RBFOX3: variants seen among roughly 807,000 people sequenced by gnomAD.
RBFOX3 encodes the protein RNA binding fox-1 homolog 3.
Under a neutral mutation model 48.7 loss-of-function variants are expected in RBFOX3, and 17 were observed. That is an observed-to-expected ratio of 0.35 (90% confidence interval 0.24 to 0.52). RBFOX3 has a LOEUF of 0.52. RBFOX3 is among the 20% of genes least tolerant of loss of function. The pLI, the probability that RBFOX3 is intolerant of heterozygous loss-of-function variation, is 0.94. For synonymous variants in RBFOX3, 212 were observed against 209.5 expected (o/e 1.01, Z -0.10); for missense variants, 382 against 497.5 (o/e 0.77, Z 2.21).
At chr17:79,393,129 A>G (rs75290426) in intron 2 of RBFOX3, among the ~76,000 whole-genome samples, 1 of 152,254 alleles carries the variant, frequency 6.6e-6, no homozygotes, top group Non-Finnish European at 1.5e-5. Context: ...GAACTGTGAT[A>G]TGAGCAAGAG....
At chr17:79,322,169 G>A (rs2078626444) in intron 2 of RBFOX3, among the ~76,000 whole-genome samples, 1 of 152,178 alleles carries the variant, frequency 6.6e-6, no homozygotes, top group Admixed American at 6.5e-5. Flanking sequence ...GGACTTGCAG[G>A]TGAGGGTGGG....
intron 3 of RBFOX3, among the ~76,000 whole-genome samples, chr17:79,302,061 C>T (rs1444848892): frequency 1.3e-5 from 2 of 152,134 alleles, no homozygotes; most frequent in African/African-American, 4.8e-5. Context: ...CACAACAATG[C>T]AAATGCACTT....
intron 2 of RBFOX3, among the ~76,000 whole-genome samples, chr17:79,348,837 A>G (rs1217775919): frequency 2.6e-5 from 4 of 151,564 alleles, no homozygotes; most frequent in African/African-American, 9.7e-5. Flanking sequence ...CGGCCTCCCA[A>G]AGTGCTGGTA....
Position 79,105,759 on chromosome 17 carries a change from C to T in RBFOX3, c.360+892G>A, listed in dbSNP as rs1386873996. On this transcript the variant is annotated intron_variant, in intron 6 of 14. Coordinates refer to ENST00000693108, the MANE Select transcript of RBFOX3 (RefSeq NM_001350451.2). ...TCAGGAGCCAGAGGCTGTCTACCTGCGCAGCAGAGGTGGGGTGGGCACCGT... is the reference window on the plus strand; with the variant it reads ...TCAGGAGCCAGAGGCTGTCTACCTGTGCAGCAGAGGTGGGGTGGGCACCGT... Among the ~76,000 whole-genome samples the T allele has an allele frequency of 5.9e-5, 9 of 152,226 alleles. No individual in the cohort carries two copies. The East Asian group carries it at 1.6e-3, about 26-fold the overall frequency.
At chr17:79,624,244 G>A in the RBFOX3 span, among the ~76,000 whole-genome samples, 1 of 152,108 alleles carries the variant, frequency 6.6e-6, no homozygotes, top group Non-Finnish European at 1.5e-5. Flanking sequence ...GAGAGGGGAG[G>A]CCTCATCTCC....
At chr17:79,266,174 T>C (rs2066669384) in intron 3 of RBFOX3, among the ~76,000 whole-genome samples, 1 of 152,198 alleles carries the variant, frequency 6.6e-6, no homozygotes, top group Non-Finnish European at 1.5e-5. Context: ...TGTTCTCCCA[T>C]GGCAGAAACA....
chr17:79,277,228 C>T (rs1034677832), intron 3 of RBFOX3, among the ~76,000 whole-genome samples: 2 of 147,996 alleles, frequency 1.4e-5, no homozygotes, highest in Middle Eastern at 3.2e-3. Context: ...CTGGTTCTGC[C>T]CCACCTGCCT....
At chr17:79,629,132 G>T in the RBFOX3 span, among the ~76,000 whole-genome samples, 1 of 152,204 alleles carries the variant, frequency 6.6e-6, no homozygotes, top group East Asian at 1.9e-4. Context: ...GTGGAGTTGG[G>T]GAGACAGGTG....
chr17:79,290,688 CA>C (rs1421968397), intron 3 of RBFOX3, among the ~76,000 whole-genome samples: 3 of 152,124 alleles, frequency 2.0e-5, no homozygotes, highest in African/African-American at 7.2e-5. Flanking sequence ...GAATGTTTAC[CA>C]AAATCAGAGA....
At chr17:79,444,770 C>A (rs997482965) in intron 2 of RBFOX3, among the ~76,000 whole-genome samples, 1 of 151,842 alleles carries the variant, frequency 6.6e-6, no homozygotes, top group African/African-American at 2.4e-5. Context: ...TAGTCTTGAG[C>A]AAATATACAT....
At chr17:79,221,797 C>T (rs898898883) in intron 4 of RBFOX3, among the ~76,000 whole-genome samples, 1 of 152,226 alleles carries the variant, frequency 6.6e-6, no homozygotes, top group African/African-American at 2.4e-5. Flanking sequence ...AAGGCCGCCG[C>T]CCATAGCTCT....
chr17:79,204,273 A>G lies in RBFOX3; in HGVS notation c.-34+31493T>C, dbSNP rs1341203480. ...AGACCCAGTGGATACACACCAGTGGACGCCGGGGAGCGGACACACACCAGC... is the reference window on the plus strand; with the variant it reads ...AGACCCAGTGGATACACACCAGTGGGCGCCGGGGAGCGGACACACACCAGC... On this transcript the variant is annotated intron_variant, in intron 4 of 14. Transcript: ENST00000693108. This position sits in a 1 kb window ranked among gnomAD's most constrained non-coding sequence, Gnocchi z 4.5. 1.3e-5 allele frequency among the ~76,000 whole-genome samples: 2 copies of G among 152,060 alleles called. No homozygotes were observed. Among genetic ancestry groups the G allele is most frequent in the East Asian group, 3.9e-4 (2 of 5,186 alleles).
intron 2 of RBFOX3, among the ~76,000 whole-genome samples, chr17:79,358,953 C>T (rs76209580): frequency 0.013 from 1,977 of 152,302 alleles, 42 homozygotes; most frequent in African/African-American, 0.046. Flanking sequence ...CCAGAGGGCT[C>T]GCGCAGAGCA....
intron 2 of RBFOX3, among the ~76,000 whole-genome samples, chr17:79,323,045 C>T (rs7208615): frequency 0.12 from 18,064 of 152,256 alleles, 1,460 homozygotes; most frequent in East Asian, 0.21. Flanking sequence ...GGGAACCAAG[C>T]AGGCCTGGTT....
intron 1 of RBFOX3, among the ~76,000 whole-genome samples, chr17:79,486,036 C>T (rs1412486062): frequency 6.6e-6 from 1 of 152,280 alleles, no homozygotes; most frequent in Non-Finnish European, 1.5e-5. Context: ...ACGCCCCACC[C>T]CTTGGTGCTG....
At chr17:79,630,001 T>C in the RBFOX3 span, among the ~76,000 whole-genome samples, 1 of 152,234 alleles carries the variant, frequency 6.6e-6, no homozygotes, top group African/African-American at 2.4e-5. Flanking sequence ...ATTTTCTTTT[T>C]TGAATTTTAT....
chr17:79,182,185 C>T (rs1267928198), intron 4 of RBFOX3, among the ~76,000 whole-genome samples: 1 of 152,158 alleles, frequency 6.6e-6, no homozygotes, highest in Non-Finnish European at 1.5e-5. Context: ...TATGGGAACC[C>T]CTCTCACTGG....
chr17:79,574,025 G>A (rs1385273468), intron 1 of RBFOX3, among the ~76,000 whole-genome samples: 1 of 152,232 alleles, frequency 6.6e-6, no homozygotes, highest in Admixed American at 6.5e-5. Flanking sequence ...GCTGCCCACT[G>A]GAGAAGGTGG....
rs2064389562 is a variant in RBFOX3, at chr17:79,254,039, TC to T, written c.-73-18235del. On this transcript the variant is annotated intron_variant, in intron 3 of 14. Transcript: ENST00000693108. This position sits in a 1 kb window ranked among gnomAD's most constrained non-coding sequence, Gnocchi z 4.8. ...AGGGCGGGTATGGGAGGGAGCCTTC[TC>T]CCCAGCTGGTGGCAGGACTTCTGAG... 6.6e-6 allele frequency among the ~76,000 whole-genome samples: 1 copy of T among 152,286 alleles called. No individual in the cohort carries two copies. Among genetic ancestry groups the T allele is most frequent in the East Asian group, 1.9e-4 (1 of 5,178 alleles).
Sources: gnomAD v4.1 joint callset for allele counts (sites outside exome capture counted in the v4.1 genomes callset) on GRCh38, gnomAD v4.1.1 for gene constraint, Gnocchi (gnomAD v3.1) non-coding constraint, MANE v1.5 for transcripts, NCBI Gene and HGNC (gene_info 2026-07-23, HGNC 2026-07-21) for gene names.